Variants in SSH2 observed in about 807,000 individuals in gnomAD.
SSH2 encodes protein phosphatase Slingshot homolog 2.
SSH2 carries 37 observed loss-of-function variants against 135.2 expected under a neutral mutation model. The ratio of observed to expected loss-of-function variants is 0.27; its 90% CI spans 0.21 to 0.36. The LOEUF (loss-of-function observed/expected upper bound fraction) is 0.36. SSH2 is among the 10% of genes least tolerant of loss of function. The probability of loss-of-function intolerance (pLI) is 1.00; values close to 1 mark genes in which losing one functional copy is unlikely to be tolerated. For missense variants in SSH2, 1,408 were observed against 1,765.3 expected, an observed-to-expected ratio of 0.80 and a Z score of 3.63; for synonymous variants, 628 against 646.2, an observed-to-expected ratio of 0.97 and a Z score of 0.43.
Position 29,662,058 on chromosome 17 carries a change from C to T in SSH2, c.1032+4809G>A, listed in dbSNP as rs1043968114. ...CCCATGCTTCATAGGCTTATGGTGA[C>T]GTAATTCTACCAGGGTTTCCATTAT... On this transcript the variant is annotated intron_variant, in intron 11 of 15. Coordinates refer to ENST00000540801, the MANE Select transcript of SSH2 (RefSeq NM_001282129.2). 5.3e-5 allele frequency among the ~76,000 whole-genome samples: 8 copies of T among 152,164 alleles called. No individual in the cohort carries two copies. The East Asian group carries it at 5.8e-4, about 11-fold the overall frequency.
At chr17:29,661,970 C>T (rs962553834) in intron 11 of SSH2, among the ~76,000 whole-genome samples, 7 of 152,168 alleles carry the variant, frequency 4.6e-5, no homozygotes, top group Non-Finnish European at 1.0e-4. Flanking sequence ...CTTTTCTGTA[C>T]TCAATACAAA....
chr17:29,724,295 G>A lies in SSH2; in HGVS notation c.189-21233C>T, dbSNP rs2729453. ...TGTAATCCCAGCACTTCGGGAGGCCGAGGTGGGTGGATGGCCTGAGGTCGG... is the reference window on the plus strand; with the variant it reads ...TGTAATCCCAGCACTTCGGGAGGCCAAGGTGGGTGGATGGCCTGAGGTCGG... On this transcript the variant is annotated intron_variant, in intron 3 of 15. Coordinates refer to ENST00000540801, the MANE Select transcript of SSH2 (RefSeq NM_001282129.2). 5.3e-5 allele frequency among the ~76,000 whole-genome samples: 8 copies of A among 152,208 alleles called. No individual in the cohort carries two copies. The East Asian group carries it at 5.8e-4, about 11-fold the overall frequency.
chr17:29,697,125 T>C (rs2038791208), intron 4 of SSH2, among the ~76,000 whole-genome samples: 1 of 152,204 alleles, frequency 6.6e-6, no homozygotes, highest in South Asian at 2.1e-4. Flanking sequence ...AATTTCTTTG[T>C]TTTAACTATT....
At chr17:29,877,128 A>G (rs1382959935) in intron 1 of SSH2, among the ~76,000 whole-genome samples, 3 of 152,218 alleles carry the variant, frequency 2.0e-5, no homozygotes, top group Non-Finnish European at 4.4e-5. Context: ...AAGGTACTCA[A>G]CGTCACTGAT....
intron 3 of SSH2, among the ~76,000 whole-genome samples, chr17:29,728,838 T>C (rs1185223935): frequency 1.3e-5 from 2 of 152,204 alleles, no homozygotes; most frequent in Non-Finnish European, 2.9e-5. Flanking sequence ...GAAATACTGA[T>C]GTCCATATGC....
chr17:29,698,240 G>A (rs970555549), intron 4 of SSH2, among the ~76,000 whole-genome samples: 6 of 152,122 alleles, frequency 3.9e-5, no homozygotes, highest in South Asian at 2.1e-4. Context: ...TTTTCAGGGC[G>A]ATAAAAATGT....
rs1246789300 is a variant in SSH2 at position 29,828,012 on chromosome 17, G to A, written c.144+20837C>T. ...TCCTAATTACTAGAACAATTTAGCT[G>A]ATGCTTTTGGTTCTTCACTTAGAGA... On this transcript the variant is annotated intron_variant, in intron 2 of 15. Transcript: ENST00000540801. 4.6e-5 allele frequency among the ~76,000 whole-genome samples: 7 copies of A among 152,242 alleles called. No individual in the cohort carries two copies. The East Asian group carries it at 9.6e-4, about 21-fold the overall frequency.
intron 12 of SSH2, among the ~76,000 whole-genome samples, chr17:29,651,085 C>T (rs2036561791): frequency 2.0e-5 from 3 of 152,072 alleles, no homozygotes. Context: ...AAATCGTATC[C>T]TTGATAGTAT....
intron 1 of SSH2, among the ~76,000 whole-genome samples, chr17:29,913,356 A>AAAAAAAAAT (rs1567650094): frequency 4.2e-5 from 3 of 71,022 alleles, no homozygotes; most frequent in Non-Finnish European, 8.1e-5. Context: ...AAATATATAT[A>AAAAAAAAAT]TATATATATA....
chr17:29,871,035 T>G (rs765323713), intron 1 of SSH2, among the ~76,000 whole-genome samples: 2 of 152,208 alleles, frequency 1.3e-5, no homozygotes, highest in Non-Finnish European at 2.9e-5. Flanking sequence ...AGTTGTTATA[T>G]TCCCTTAAGC....
At chr17:29,712,647 T>C (rs889012292) in intron 3 of SSH2, among the ~76,000 whole-genome samples, 1 of 152,054 alleles carries the variant, frequency 6.6e-6, no homozygotes, top group African/African-American at 2.4e-5. Flanking sequence ...CTACTAAAAA[T>C]ACAAAAATTA....
chr17:29,917,460 C>T (rs536169815), intron 1 of SSH2, among the ~76,000 whole-genome samples: 1 of 152,246 alleles, frequency 6.6e-6, no homozygotes, highest in South Asian at 2.1e-4. Context: ...GCCTTCCCCA[C>T]CAGTCTTGTA....
chr17:29,905,707 A>T lies in SSH2; in HGVS notation c.63+24231T>A, dbSNP rs191546843. On this transcript the variant is annotated intron_variant, in intron 1 of 15. Coordinates refer to ENST00000540801, the MANE Select transcript of SSH2 (RefSeq NM_001282129.2). ...GGGTCCCTGGTAAGGTCCCTCCCTC[A>T]GGCCAGGGAGGGCCTGTGGGCTGGG... 4.1e-3 allele frequency among the ~76,000 whole-genome samples: 630 copies of T among 152,262 alleles called. 5 individuals are homozygous for T. Among genetic ancestry groups the T allele is most frequent in the Non-Finnish European group, 2.7e-3 (185 of 67,994 alleles).
intron 7 of SSH2, among the ~76,000 whole-genome samples, chr17:29,677,270 G>C (rs748768612): frequency 6.6e-6 from 1 of 151,300 alleles, no homozygotes; most frequent in African/African-American, 2.4e-5. Context: ...AACATTAGGA[G>C]GTAGGGTGGG....
chr17:29,914,692 G>T (rs2066851342), intron 1 of SSH2, among the ~76,000 whole-genome samples: 1 of 152,020 alleles, frequency 6.6e-6, no homozygotes, highest in Non-Finnish European at 1.5e-5. Flanking sequence ...ATTAAATGAG[G>T]ATGCAAATGT....
chr17:29,877,346 A>T (rs1322696720), intron 1 of SSH2, among the ~76,000 whole-genome samples: 1 of 152,244 alleles, frequency 6.6e-6, no homozygotes, highest in African/African-American at 2.4e-5. Context: ...TAGAGCTACC[A>T]TATGATCCAG....
At chr17:29,714,869 T>A (rs1468611835) in intron 3 of SSH2, among the ~76,000 whole-genome samples, 1 of 152,148 alleles carries the variant, frequency 6.6e-6, no homozygotes, top group Non-Finnish European at 1.5e-5. Context: ...TTTCTTTTTT[T>A]CTTTTTTTGT....
intron 2 of SSH2, among the ~76,000 whole-genome samples, chr17:29,846,384 C>T (rs1010116930): frequency 1.3e-5 from 2 of 152,134 alleles, no homozygotes; most frequent in African/African-American, 4.8e-5. Context: ...GGTACATATT[C>T]CATCAATGAG....
At position 29,848,860 on chromosome 17, in the gene SSH2, T is replaced by C. The variant is rs1481186804; in HGVS notation, c.133A>G (p.Thr45Ala). 6.5e-7 allele frequency: 1 copy of C among 1,528,522 alleles called. No homozygotes were observed. 94.7% of individuals were successfully genotyped at this position (1,528,522 alleles called of 1,614,324 possible). A position where few individuals can be genotyped will look rare whatever the true frequency, so the allele number is the denominator to read the frequency against. ...ATATACCTACGTACATTGGAATCAG[T>C]AAAGATTTCTGATTCTTCACATTCA... is the stretch of plus-strand genomic sequence containing the variant. ...CCECEESEIF[T>A]DSNEADSGEE... is the part of the protein sequence containing the mutation. The change falls in exon 2 of 16, where the codon ACT becomes GCT. Residue 45 changes from threonine to alanine, a missense_variant. Transcript: ENST00000540801.
Sources: gnomAD v4.1 joint callset for allele counts (sites outside exome capture counted in the v4.1 genomes callset) on GRCh38, gnomAD v4.1.1 for gene constraint, MANE v1.5 for transcripts, NCBI Gene and HGNC (gene_info 2026-07-23, HGNC 2026-07-21) for gene names.